The following MAP1B variants were observed in gnomAD, a reference collection of about 807,000 sequenced individuals.
MAP1B encodes microtubule associated protein 1B, also known as microtubule-associated protein 1B.
A neutral mutation model predicts 176.1 loss-of-function variants in MAP1B; 12 were observed. The observed-to-expected ratio is 0.07, with a 90% CI of 0.04 to 0.11. MAP1B has a LOEUF of 0.11. Ranked by LOEUF, MAP1B falls within the 10% of genes least tolerant of loss-of-function variation. The pLI is 1.00. For synonymous variants in MAP1B, 1,044 were observed against 1,135.0 expected (o/e 0.92, Z 1.61); for missense variants, 2,523 against 2,990.5 (o/e 0.84, Z 3.65).
At chr5:72,203,442 T>A in intron 5 of MAP1B, 121 bp from the exon 6 acceptor site, 1 of 743,226 alleles carries the variant, frequency 1.3e-6, no homozygotes, top group East Asian at 2.5e-5. Flanking sequence ...CCACTTTGCA[T>A]GTCTCAGAGG....
intron 5 of MAP1B, 129 bp downstream of exon 5, chr5:72,200,496 G>T (rs747463958): frequency 1.8e-5 from 21 of 1,186,474 alleles, no homozygotes; most frequent in South Asian, 3.0e-5. Flanking sequence ...TACCTTCCCT[G>T]TACTCTTCTC....
In MAP1B at chr5:72,197,165, C is replaced by T. The variant is rs79516161; in HGVS notation, c.3810C>T (p.Thr1270=). 4 of 1,614,122 alleles carry T rather than the reference C, an allele frequency of 2.5e-6. No homozygotes were observed. The highest frequency in any genetic ancestry group is 3.3e-5 in the Admixed American group (2 of 60,020). Residue 1270 remains threonine, a synonymous_variant, in exon 5 of 7, where the codon ACC becomes ACT. Coordinates refer to ENST00000296755, the MANE Select transcript of MAP1B (RefSeq NM_005909.5). ...SPSPPSPLEK[T]PLGERSVNFS... The stretch of plus-strand genomic sequence containing the variant: ...CTCCACCATCACCCTTAGAAAAGAC[C>T]CCCCTGGGTGAACGTAGTGTGAACT...
At chr5:72,189,275 C>A (rs1337767953) in intron 4 of MAP1B, among the ~76,000 whole-genome samples, 2 of 152,104 alleles carry the variant, frequency 1.3e-5, no homozygotes, top group African/African-American at 4.8e-5. Context: ...GTCTGGCTAA[C>A]CCCACTCCTC....
At position 72,195,828 on chromosome 5, in the gene MAP1B, G is replaced by A. The variant is rs757564404; in HGVS notation, c.2473G>A (p.Ala825Thr). Residue 825 changes from alanine (A) to threonine (T), a missense_variant, in exon 5 of 7, where the codon GCT becomes ACT. By Grantham distance (58) the Ala-to-Thr change is moderately conservative. This residue lies in a region of MAP1B where 1,925 missense variants were observed against 2,126.0 expected (regional missense o/e 0.91). Coordinates refer to ENST00000296755, the MANE Select transcript of MAP1B (RefSeq NM_005909.5). ...AAIGPAKELE[A>T]ERSLMSSPED... The stretch of plus-strand genomic sequence containing the variant: ...CATTGGCCCTGCCAAAGAACTCGAA[G>A]CTGAGAGGTCCCTTATGTCATCTCC... 6.2e-7 allele frequency: 1 copy of A among 1,614,238 alleles called. No homozygotes were observed. Among genetic ancestry groups the A allele is most frequent in the East Asian group, 2.2e-5 (1 of 44,882 alleles).
At chr5:72,185,269 C>T (rs563446800) in intron 3 of MAP1B, among the ~76,000 whole-genome samples, 2 of 152,258 alleles carry the variant, frequency 1.3e-5, no homozygotes, top group African/African-American at 4.8e-5. Context: ...CTGACTTCTG[C>T]CTGCTTTAGA....
intron 2 of MAP1B, among the ~76,000 whole-genome samples, chr5:72,159,258 GA>G (rs1165224538): frequency 1.3e-5 from 2 of 151,918 alleles, no homozygotes; most frequent in African/African-American, 4.8e-5. Flanking sequence ...GAAGGGTACT[GA>G]AAAAAAACTG....
chr5:72,129,196 A>C (rs1745682023), intron 2 of MAP1B, among the ~76,000 whole-genome samples: 1 of 152,188 alleles, frequency 6.6e-6, no homozygotes, highest in South Asian at 2.1e-4. Context: ...GTGTGTGTGT[A>C]TGTGTATGGC....
intron 2 of MAP1B, among the ~76,000 whole-genome samples, chr5:72,147,494 T>G (rs1746067680): frequency 6.6e-6 from 1 of 150,622 alleles, no homozygotes; most frequent in African/African-American, 2.4e-5. Context: ...GTCTCTACCC[T>G]TATGGGGTAG....
intron 2 of MAP1B, among the ~76,000 whole-genome samples, chr5:72,171,484 G>T (rs1746539977): frequency 6.6e-6 from 1 of 152,126 alleles, no homozygotes; most frequent in Non-Finnish European, 1.5e-5. Context: ...AGCTACTTGG[G>T]GATGCTGAGT....
intron 2 of MAP1B, among the ~76,000 whole-genome samples, chr5:72,171,131 C>G (rs766323053): frequency 6.6e-6 from 1 of 152,080 alleles, no homozygotes; most frequent in African/African-American, 2.4e-5. Flanking sequence ...GAAGTCTTCC[C>G]TGCTCAGAAT....
Position 72,205,250 on chromosome 5 carries a change from CA to C in MAP1B, c.*12del. 6.2e-7 allele frequency: 1 copy of C among 1,605,094 alleles called. No homozygotes were observed. The highest frequency in any genetic ancestry group is 1.3e-5 in the African/African-American group (1 of 74,624). The stretch of plus-strand genomic sequence containing the variant: ...AAGATTGAACTGTAAAAACCAAGGC[CA>C]GCCACACCACAGGATCTGAACTTTG... On this transcript the variant is annotated 3_prime_UTR_variant, in exon 7 of 7. Coordinates refer to ENST00000296755, the MANE Select transcript of MAP1B (RefSeq NM_005909.5).
At chr5:72,124,032 A>G (rs1745579775) in intron 2 of MAP1B, among the ~76,000 whole-genome samples, 1 of 152,158 alleles carries the variant, frequency 6.6e-6, no homozygotes, top group Non-Finnish European at 1.5e-5. Flanking sequence ...GAAAATGGAG[A>G]GTATAATAAG....
chr5:72,186,762 C>A lies in MAP1B; in HGVS notation c.510+8C>A, dbSNP rs536209057. The A allele has an allele frequency of 2.4e-5, 38 of 1,613,796 alleles. No homozygotes were observed. The Admixed American group carries it at 3.5e-4, about 15-fold the overall frequency. ...ATTTTCACCGATCAAGAGGTAGGTT[C>A]GTGTCTGAGAATATCTGTGCTTCTA... On this transcript the variant is annotated splice_region_variant and intron_variant, in intron 4 of 6. Transcript: ENST00000296755. The surrounding 1 kb of genome is among the most constrained non-coding windows in gnomAD (Gnocchi z 4.3).
At chr5:72,115,152 G>A (rs1486152931) in intron 1 of MAP1B, among the ~76,000 whole-genome samples, 2 of 152,062 alleles carry the variant, frequency 1.3e-5, no homozygotes, top group Non-Finnish European at 2.9e-5. Context: ...TCCAGGGCTC[G>A]ATAAACCAAA....
intron 1 of MAP1B, among the ~76,000 whole-genome samples, chr5:72,109,527 G>A (rs527743036): frequency 3.6e-4 from 55 of 152,318 alleles, no homozygotes; most frequent in African/African-American, 1.3e-3. Context: ...CTGGGAAATA[G>A]GAATATATTA....
In MAP1B at chr5:72,195,871, A is replaced by T; in HGVS notation, c.2516A>T (p.Asp839Val). 1 of 1,614,244 alleles carries T rather than the reference A, an allele frequency of 6.2e-7. No homozygotes were observed. The highest frequency in any genetic ancestry group is 8.5e-7 in the Non-Finnish European group (1 of 1,180,040). Residue 839 changes from aspartate (D) to valine (V), a missense_variant, in exon 5 of 7, where the codon GAC (aspartate) becomes GTC (valine). Coordinates refer to ENST00000296755, the MANE Select transcript of MAP1B (RefSeq NM_005909.5). ...TCATCTCCTGAGGATCTAACCAAGGACTTTGAAGAGTTAAAGGCTGAAGAG... is the reference window on the plus strand; with the variant it reads ...TCATCTCCTGAGGATCTAACCAAGGTCTTTGAAGAGTTAAAGGCTGAAGAG... ...LMSSPEDLTKDFEELKAEEVD... is the reference protein window; with the variant it reads ...LMSSPEDLTKVFEELKAEEVD...
chr5:72,152,605 C>T (rs1407101299), intron 2 of MAP1B, among the ~76,000 whole-genome samples: 1 of 152,128 alleles, frequency 6.6e-6, no homozygotes. Context: ...CGCCAACACG[C>T]GCAGCCAGTT....
rs1223990641 is a variant in MAP1B, at chr5:72,206,977, A to G, written c.*1738A>G. Reference sequence around the variant, plus strand: ...TCTTCAACCATGAGGTAAAAGAGCCAAGTTCAAAGAACCCTAGCACAAATT... The same window carrying G: ...TCTTCAACCATGAGGTAAAAGAGCCGAGTTCAAAGAACCCTAGCACAAATT... On this transcript the variant is annotated 3_prime_UTR_variant, in exon 7 of 7. Transcript: ENST00000296755. 6.6e-6 allele frequency: 1 copy of G among 152,200 alleles called. No individual in the cohort carries two copies. Among genetic ancestry groups the G allele is most frequent in the Non-Finnish European group, 1.5e-5 (1 of 68,030 alleles). The allele number at this position is 152,200 out of a possible 1,614,324, so 9.4% of individuals were successfully genotyped here.
intron 2 of MAP1B, among the ~76,000 whole-genome samples, chr5:72,120,669 G>A (rs893130470): frequency 2.6e-4 from 40 of 151,846 alleles, no homozygotes; most frequent in African/African-American, 8.7e-4. Context: ...CTCATCATCC[G>A]CCCACTTCAG....
Sources: allele counts gnomAD v4.1 joint callset (sites outside exome capture counted in the v4.1 genomes callset), GRCh38; gene constraint gnomAD v4.1.1; regional missense constraint gnomAD v4.1.1; non-coding constraint Gnocchi (gnomAD v3.1); transcripts MANE v1.5; gene names NCBI Gene and HGNC (gene_info 2026-07-23, HGNC 2026-07-21).